Variants in TSPAN15 observed in about 807,000 individuals in gnomAD.
TSPAN15 encodes the protein tetraspanin-15.
In TSPAN15, 20 loss-of-function variants were observed where a neutral mutation model predicts 34.5. The observed-to-expected ratio is 0.58, with a 90% CI of 0.41 to 0.84. The LOEUF (loss-of-function observed/expected upper bound fraction) is 0.84, where lower values mean the gene tolerates loss of function less well. Among genes scored for constraint, TSPAN15 ranks in the 40% least tolerant of loss-of-function variants. The pLI, the probability that TSPAN15 is intolerant of heterozygous loss-of-function variation, is 0.00. For synonymous variants in TSPAN15, 155 were observed against 153.9 expected (o/e 1.01, Z -0.05); for missense variants, 313 against 386.1 (o/e 0.81, Z 1.59).
the TSPAN15 span, among the ~76,000 whole-genome samples, chr10:69,548,152 G>C: frequency 6.6e-6 from 1 of 152,070 alleles, no homozygotes; most frequent in African/African-American, 2.4e-5. Flanking sequence ...ATCAGAAAGG[G>C]GGGAAAGGAT....
chr10:69,537,117 T>C, the TSPAN15 span, among the ~76,000 whole-genome samples: 1 of 151,992 alleles, frequency 6.6e-6, no homozygotes, highest in African/African-American at 2.4e-5. Context: ...TTTCAACATA[T>C]TAATTTGTTG....
the TSPAN15 span, among the ~76,000 whole-genome samples, chr10:69,524,587 G>A: frequency 6.8e-6 from 1 of 146,086 alleles, no homozygotes; most frequent in Non-Finnish European, 1.5e-5. Flanking sequence ...CTATGCAGCA[G>A]TTAAGTAAGC....
intron 1 of TSPAN15, among the ~76,000 whole-genome samples, chr10:69,462,200 C>T (rs1269393889): frequency 7.3e-6 from 1 of 136,628 alleles, no homozygotes; most frequent in African/African-American, 2.8e-5. Flanking sequence ...AGTGTCTCAC[C>T]ATGTTGCCCA....
At chr10:69,530,973 T>C in the TSPAN15 span, among the ~76,000 whole-genome samples, 1 of 144,234 alleles carries the variant, frequency 6.9e-6, no homozygotes, top group Non-Finnish European at 1.5e-5. Flanking sequence ...AAATACTACT[T>C]ATAAAATTCC....
intron 2 of TSPAN15, among the ~76,000 whole-genome samples, chr10:69,484,616 C>G (rs376762842): frequency 6.6e-6 from 1 of 152,314 alleles, no homozygotes; most frequent in East Asian, 1.9e-4. Context: ...CTACTTGAGG[C>G]TGGAATTTGC....
chr10:69,464,317 CAGGG>C (rs36005099), intron 1 of TSPAN15, among the ~76,000 whole-genome samples: 60,412 of 151,798 alleles, frequency 0.4, 12,502 homozygotes, highest in Non-Finnish European at 0.45. Context: ...CCCAACTGAG[CAGGG>C]AGGGCCCTGA....
rs571289131 is a variant in TSPAN15 at position 69,455,561 on chromosome 10, T to G, written c.96+3871T>G. Among the ~76,000 whole-genome samples the G allele has an allele frequency of 6.8e-4, 80 of 117,956 alleles. 6 individuals are homozygous for G. The highest frequency in any genetic ancestry group is 1.2e-3 in the Non-Finnish European group (70 of 56,368). 77.4% of individuals were successfully genotyped at this position (117,956 alleles called of 152,430 possible). Reference sequence around the variant, plus strand: ...TTCTTTCTTTCTTCTCTCTCTCTCTTTCTTTCTTTCTCTTTTCTTTCTTTC... The same window carrying G: ...TTCTTTCTTTCTTCTCTCTCTCTCTGTCTTTCTTTCTCTTTTCTTTCTTTC... On this transcript the variant is annotated intron_variant, in intron 1 of 7. Transcript: ENST00000373290.
At chr10:69,536,156 G>C in the TSPAN15 span, among the ~76,000 whole-genome samples, 1 of 152,298 alleles carries the variant, frequency 6.6e-6, no homozygotes, top group South Asian at 2.1e-4. Flanking sequence ...CAGTGAACAG[G>C]TTCTATTTGA....
At chr10:69,501,355 G>T (rs1300036246) in intron 5 of TSPAN15, among the ~76,000 whole-genome samples, 1 of 152,194 alleles carries the variant, frequency 6.6e-6, no homozygotes, top group African/African-American at 2.4e-5. Flanking sequence ...CCTGGCCGGG[G>T]TTATCTGACC....
chr10:69,530,096 C>T, the TSPAN15 span, among the ~76,000 whole-genome samples: 1 of 147,522 alleles, frequency 6.8e-6, no homozygotes, highest in African/African-American at 2.5e-5. Flanking sequence ...TTTCTTTATC[C>T]ACTCATTGGT....
At chr10:69,501,335 G>A (rs1230036152) in intron 5 of TSPAN15, among the ~76,000 whole-genome samples, 1 of 152,210 alleles carries the variant, frequency 6.6e-6, no homozygotes, top group Non-Finnish European at 1.5e-5. Flanking sequence ...GAGGTAGGGA[G>A]GAGCCTTCCC....
At chr10:69,483,980 C>G in intron 2 of TSPAN15, 104 bp downstream of exon 2, 3 of 1,288,178 alleles carry the variant, frequency 2.3e-6, no homozygotes, top group Non-Finnish European at 3.2e-6. Flanking sequence ...TGCCTCAAAC[C>G]ACCTCCTTTA....
At chr10:69,544,344 G>A in the TSPAN15 span, among the ~76,000 whole-genome samples, 1 of 152,236 alleles carries the variant, frequency 6.6e-6, no homozygotes, top group African/African-American at 2.4e-5. Flanking sequence ...ATAGCCCAAT[G>A]TTGTTGAACC....
chr10:69,492,633 G>A (rs1841992824), intron 3 of TSPAN15, among the ~76,000 whole-genome samples: 1 of 152,170 alleles, frequency 6.6e-6, no homozygotes, highest in Non-Finnish European at 1.5e-5. Context: ...CTTGGAAAGT[G>A]CCCAGGAGGC....
At chr10:69,493,574 G>A (rs1842014313) in intron 3 of TSPAN15, among the ~76,000 whole-genome samples, 1 of 148,166 alleles carries the variant, frequency 6.7e-6, no homozygotes, top group Admixed American at 6.9e-5. Context: ...CCAGGTTCAA[G>A]CGATTCTCCT....
At chr10:69,547,752 A>G in the TSPAN15 span, among the ~76,000 whole-genome samples, 1 of 152,190 alleles carries the variant, frequency 6.6e-6, no homozygotes, top group Non-Finnish European at 1.5e-5. Context: ...TAGAGACTCC[A>G]AGAACACATC....
the TSPAN15 span, among the ~76,000 whole-genome samples, chr10:69,515,572 A>G: frequency 6.6e-6 from 1 of 152,220 alleles, no homozygotes; most frequent in African/African-American, 2.4e-5. Flanking sequence ...GCAGTCCAAG[A>G]GGCCCTGCCA....
intron 3 of TSPAN15, chr10:69,495,375 A>G (rs1310370224): frequency 1.8e-6 from 1 of 545,104 alleles, no homozygotes; most frequent in Non-Finnish European, 3.3e-6. Context: ...GACATAGCAC[A>G]GGCACTCAGG....
the TSPAN15 span, among the ~76,000 whole-genome samples, chr10:69,547,792 G>C: frequency 4.5e-3 from 691 of 152,296 alleles, 4 homozygotes; most frequent in Non-Finnish European, 6.3e-3. Context: ...TGCCTCCTCA[G>C]GCCTTCTACC....
Sources: allele counts gnomAD v4.1 joint callset (sites outside exome capture counted in the v4.1 genomes callset), GRCh38; gene constraint gnomAD v4.1.1; transcripts MANE v1.5; gene names NCBI Gene and HGNC (gene_info 2026-07-23, HGNC 2026-07-21).